Variants in SH3GL2 observed in about 807,000 individuals in gnomAD.
SH3GL2 encodes SH3 domain containing GRB2 like 2, endophilin A1.
A neutral mutation model predicts 46.0 loss-of-function variants in SH3GL2; 24 were observed. The observed-to-expected ratio is 0.52, with a 90% confidence interval of 0.38 to 0.73. The LOEUF is 0.73. SH3GL2 is among the 30% of genes least tolerant of loss of function. The pLI, the probability that SH3GL2 is intolerant of heterozygous loss-of-function variation, is 0.00. For synonymous variants in SH3GL2, 196 were observed against 147.1 expected, an observed-to-expected ratio of 1.33 and a Z score of -2.40; for missense variants, 413 against 424.2, an observed-to-expected ratio of 0.97 and a Z score of 0.23.
At chr9:17,655,921 C>A (rs1820064643) in intron 1 of SH3GL2, among the ~76,000 whole-genome samples, 1 of 152,178 alleles carries the variant, frequency 6.6e-6, no homozygotes, top group African/African-American at 2.4e-5. Context: ...CTTCATGATC[C>A]AGAAGAAAAG....
chr9:17,687,367 A>G (rs1247621012), intron 1 of SH3GL2, among the ~76,000 whole-genome samples: 1 of 152,140 alleles, frequency 6.6e-6, no homozygotes, highest in Non-Finnish European at 1.5e-5. Context: ...TGAGAACAGG[A>G]GAGCCTTAAA....
intron 1 of SH3GL2, among the ~76,000 whole-genome samples, chr9:17,734,319 T>A (rs1822264517): frequency 6.6e-6 from 1 of 152,128 alleles, no homozygotes; most frequent in African/African-American, 2.4e-5. Flanking sequence ...TCATGTGATG[T>A]CACCTTGTTC....
chr9:17,646,515 T>C (rs985261298), intron 1 of SH3GL2, among the ~76,000 whole-genome samples: 1 of 152,174 alleles, frequency 6.6e-6, no homozygotes, highest in African/African-American at 2.4e-5. Context: ...TGTGGATTTA[T>C]CTACCTTTGG....
chr9:17,775,052 A>G (rs1823603200), intron 3 of SH3GL2, among the ~76,000 whole-genome samples: 1 of 152,036 alleles, frequency 6.6e-6, no homozygotes, highest in Non-Finnish European at 1.5e-5. Context: ...CATTTAGGTT[A>G]TACAGTTCAT....
chr9:17,702,478 A>G (rs1821363321), intron 1 of SH3GL2, among the ~76,000 whole-genome samples: 1 of 152,078 alleles, frequency 6.6e-6, no homozygotes, highest in African/African-American at 2.4e-5. Flanking sequence ...GTCACGAAAA[A>G]ATTTAAACAG....
intron 1 of SH3GL2, among the ~76,000 whole-genome samples, chr9:17,739,117 A>G (rs1426068309): frequency 1.3e-5 from 2 of 152,084 alleles, no homozygotes; most frequent in Admixed American, 1.3e-4. Context: ...AAACAGGCCC[A>G]GGGTAGTTTG....
At chr9:17,608,403 C>T (rs556882747) in intron 1 of SH3GL2, among the ~76,000 whole-genome samples, 2 of 152,194 alleles carry the variant, frequency 1.3e-5, no homozygotes, top group South Asian at 4.1e-4. Context: ...GCCTTGGCCT[C>T]CCAAAGTGTA....
intron 1 of SH3GL2, among the ~76,000 whole-genome samples, chr9:17,713,402 G>A (rs936223814): frequency 1.3e-5 from 2 of 150,914 alleles, no homozygotes; most frequent in African/African-American, 4.9e-5. Flanking sequence ...TTATTTCACT[G>A]ATTTTTTGGC....
intron 1 of SH3GL2, among the ~76,000 whole-genome samples, chr9:17,680,869 G>C (rs911671632): frequency 6.6e-6 from 1 of 152,058 alleles, no homozygotes; most frequent in East Asian, 1.9e-4. Context: ...CTTTATTTCT[G>C]CCTTCATTTC....
intron 3 of SH3GL2, among the ~76,000 whole-genome samples, chr9:17,763,775 C>T (rs974009296): frequency 2.6e-5 from 4 of 152,092 alleles, no homozygotes; most frequent in Non-Finnish European, 5.9e-5. Context: ...AGGAACTTTC[C>T]CATTCATACA....
chr9:17,748,158 C>T (rs868437110), intron 2 of SH3GL2, among the ~76,000 whole-genome samples: 1 of 152,004 alleles, frequency 6.6e-6, no homozygotes, highest in South Asian at 2.1e-4. Flanking sequence ...GCCATATTTT[C>T]GCTTTTACTT....
chr9:17,668,564 C>G (rs1049723615), intron 1 of SH3GL2, among the ~76,000 whole-genome samples: 1 of 152,076 alleles, frequency 6.6e-6, no homozygotes, highest in Non-Finnish European at 1.5e-5. Flanking sequence ...AAAGTTTTTT[C>G]CTACACTTAA....
chr9:17,616,010 A>G (rs1818986830), intron 1 of SH3GL2, among the ~76,000 whole-genome samples: 1 of 152,190 alleles, frequency 6.6e-6, no homozygotes, highest in South Asian at 2.1e-4. Flanking sequence ...CTGGGAATTG[A>G]GATTCAGAGG....
intron 1 of SH3GL2, among the ~76,000 whole-genome samples, chr9:17,600,659 A>G (rs1818653527): frequency 6.6e-6 from 1 of 152,194 alleles, no homozygotes; most frequent in Admixed American, 6.5e-5. Context: ...AACTACAAAC[A>G]GTTTTTAATA....
intron 1 of SH3GL2, chr9:17,591,408 G>C (rs3808775): frequency 1.3e-5 from 2 of 151,810 alleles, no homozygotes; most frequent in Non-Finnish European, 2.9e-5. Context: ...AGGAATGGGG[G>C]TTGCAACCTG....
chr9:17,659,898 T>G (rs1398434210), intron 1 of SH3GL2, among the ~76,000 whole-genome samples: 3 of 152,240 alleles, frequency 2.0e-5, no homozygotes, highest in Non-Finnish European at 4.4e-5. Context: ...GTTCTTGATA[T>G]GACTTTTGGC....
chr9:17,758,313 C>T (rs971104094), intron 2 of SH3GL2, among the ~76,000 whole-genome samples: 6 of 152,062 alleles, frequency 3.9e-5, no homozygotes, highest in African/African-American at 1.4e-4. Flanking sequence ...GTAATCCCAG[C>T]ACTTTGGAAG....
intron 1 of SH3GL2, among the ~76,000 whole-genome samples, chr9:17,647,360 G>C (rs1478005032): frequency 2.6e-5 from 4 of 152,144 alleles, no homozygotes; most frequent in Admixed American, 2.0e-4. Context: ...TGCTAGATGT[G>C]GGTGATTTCA....
chr9:17,750,362 G>C (rs1240248955), intron 2 of SH3GL2, among the ~76,000 whole-genome samples: 1 of 152,076 alleles, frequency 6.6e-6, no homozygotes, highest in African/African-American at 2.4e-5. Flanking sequence ...GCTTCAAGCA[G>C]CATTACTGGG....
Sources: allele counts gnomAD v4.1 joint callset (sites outside exome capture counted in the v4.1 genomes callset), GRCh38; gene constraint gnomAD v4.1.1; transcripts MANE v1.5; gene names NCBI Gene and HGNC (gene_info 2026-07-23, HGNC 2026-07-21).